The following ASTN2 variants were observed in gnomAD, a reference collection of about 807,000 sequenced individuals.
ASTN2 encodes the protein astrotactin-2.
ASTN2 carries 54 observed loss-of-function variants against 139.8 expected under a neutral mutation model. The ratio of observed to expected loss-of-function variants is 0.39; its 90% confidence interval spans 0.31 to 0.48. The LOEUF (loss-of-function observed/expected upper bound fraction) is 0.48. ASTN2 is among the 20% of genes least tolerant of loss of function. ASTN2 has a pLI of 0.95. For synonymous variants in ASTN2, 756 were observed against 719.5 expected, an observed-to-expected ratio of 1.05 and a Z score of -0.81; for missense variants, 1,565 against 1,725.1, an observed-to-expected ratio of 0.91 and a Z score of 1.64.
intron 19 of ASTN2, among the ~76,000 whole-genome samples, chr9:116,580,644 A>G (rs1394151214): frequency 1.3e-5 from 2 of 152,172 alleles, no homozygotes; most frequent in Non-Finnish European, 2.9e-5. Context: ...TTTCACATGA[A>G]AACCATAAAA....
At chr9:116,909,822 T>C (rs1281489217) in intron 10 of ASTN2, among the ~76,000 whole-genome samples, 1 of 152,208 alleles carries the variant, frequency 6.6e-6, no homozygotes. Context: ...AGCTATTTTA[T>C]ATGAGAGAAA....
At position 116,955,855 on chromosome 9, in the gene ASTN2, T is replaced by A. The variant is rs1835690831; in HGVS notation, c.1889+19353A>T. On this transcript the variant is annotated intron_variant, in intron 10 of 22. Coordinates refer to ENST00000313400, the MANE Select transcript of ASTN2 (RefSeq NM_001365068.1). ...TACCATGCACTTTCTGTGGATATAA[T>A]GAGCAAGAGAAATAAGCCATCTCTG... Among the ~76,000 whole-genome samples, 3 of 152,220 alleles carry A rather than the reference T, an allele frequency of 2.0e-5. No individual in the cohort carries two copies. The South Asian group carries it at 6.2e-4, about 31-fold the overall frequency.
intron 13 of ASTN2, among the ~76,000 whole-genome samples, chr9:116,760,030 C>T (rs575367197): frequency 1.3e-5 from 2 of 152,294 alleles, no homozygotes; most frequent in East Asian, 3.9e-4. Flanking sequence ...AGACCTGAGG[C>T]TTCCCTGTAA....
intron 10 of ASTN2, among the ~76,000 whole-genome samples, chr9:116,868,380 C>T (rs1833071229): frequency 6.6e-6 from 1 of 152,120 alleles, no homozygotes; most frequent in South Asian, 2.1e-4. Context: ...GACCTCAAGT[C>T]CTGAGTTAAA....
At chr9:117,276,337 C>T (rs1320400204) in intron 2 of ASTN2, among the ~76,000 whole-genome samples, 1 of 152,170 alleles carries the variant, frequency 6.6e-6, no homozygotes. Context: ...CTCTCCTCTC[C>T]CATACTAGGC....
At chr9:116,942,032 G>T (rs1835249476) in intron 10 of ASTN2, among the ~76,000 whole-genome samples, 1 of 147,138 alleles carries the variant, frequency 6.8e-6, no homozygotes, top group Non-Finnish European at 1.5e-5. Flanking sequence ...AAAGTCTATA[G>T]AAATTTAAGA....
At chr9:117,130,858 C>A (rs547218057) in intron 4 of ASTN2, among the ~76,000 whole-genome samples, 6 of 152,272 alleles carry the variant, frequency 3.9e-5, no homozygotes, top group African/African-American at 1.4e-4. Context: ...AAAGCCCTAC[C>A]TATTCAGCCA....
chr9:116,776,825 T>G (rs894858938), intron 13 of ASTN2, among the ~76,000 whole-genome samples: 5 of 152,074 alleles, frequency 3.3e-5, no homozygotes, highest in Admixed American at 2.0e-4. Flanking sequence ...AGTAAAATAA[T>G]TGGACGAATG....
At chr9:117,346,741 C>T (rs75796282) in intron 1 of ASTN2, among the ~76,000 whole-genome samples, 2,941 of 152,206 alleles carry the variant, frequency 0.019, 91 homozygotes, top group African/African-American at 0.065. Flanking sequence ...CCTCTATTCC[C>T]TCAAGGTGAT....
chr9:116,819,829 A>G (rs1276817647), intron 12 of ASTN2, among the ~76,000 whole-genome samples: 4 of 152,234 alleles, frequency 2.6e-5, no homozygotes, highest in Non-Finnish European at 5.9e-5. Flanking sequence ...TGCTATATGC[A>G]AGGTGCTGTC....
chr9:117,326,235 G>A (rs969382138), intron 1 of ASTN2, among the ~76,000 whole-genome samples: 1 of 152,014 alleles, frequency 6.6e-6, no homozygotes, highest in African/African-American at 2.4e-5. Context: ...TGTGGACTGT[G>A]GGCAGCCAGT....
intron 10 of ASTN2, among the ~76,000 whole-genome samples, chr9:116,972,242 A>G (rs915673079): frequency 6.6e-6 from 1 of 152,000 alleles, no homozygotes; most frequent in Admixed American, 6.6e-5. Context: ...ATATGATATT[A>G]TTTTGTGTCT....
Position 116,765,399 on chromosome 9 carries a change from C to T in ASTN2, c.2397-31876G>A, listed in dbSNP as rs72765741. Among the ~76,000 whole-genome samples the T allele has an allele frequency of 6.3e-3, 965 of 152,300 alleles. 7 individuals carry two copies. The highest frequency in any genetic ancestry group is 9.3e-3 in the Admixed American group (143 of 15,296). On this transcript the variant is annotated intron_variant, in intron 13 of 22. Coordinates refer to ENST00000313400, the MANE Select transcript of ASTN2 (RefSeq NM_001365068.1). Reference sequence around the variant, plus strand: ...CTAGCTCAGTACTTTCCTTAAGCCACCGCATTAGGGACTTGAAGTGTAAAC... The same window carrying T: ...CTAGCTCAGTACTTTCCTTAAGCCATCGCATTAGGGACTTGAAGTGTAAAC...
chr9:116,526,457 C>G (rs887064833), intron 19 of ASTN2, among the ~76,000 whole-genome samples: 1 of 151,714 alleles, frequency 6.6e-6, no homozygotes, highest in Non-Finnish European at 1.5e-5. Flanking sequence ...ACTAAAAATA[C>G]AAGAACAACA....
chr9:116,965,615 A>G (rs1006121622), intron 10 of ASTN2, among the ~76,000 whole-genome samples: 2 of 152,152 alleles, frequency 1.3e-5, no homozygotes, highest in African/African-American at 4.8e-5. Flanking sequence ...AATATTATCT[A>G]ACTCCCTCAA....
intron 3 of ASTN2, among the ~76,000 whole-genome samples, chr9:117,149,521 G>A (rs1830279964): frequency 6.6e-6 from 1 of 151,968 alleles, no homozygotes; most frequent in Non-Finnish European, 1.5e-5. Flanking sequence ...GTGTCCTCGG[G>A]CTTTGGACTT....
At chr9:116,438,627 C>A (rs1847732693) in intron 22 of ASTN2, among the ~76,000 whole-genome samples, 1 of 152,308 alleles carries the variant, frequency 6.6e-6, no homozygotes, top group Middle Eastern at 3.4e-3. Flanking sequence ...CTTTCATTCT[C>A]TTCCCCTCTT....
intron 1 of ASTN2, among the ~76,000 whole-genome samples, chr9:117,298,670 G>GTACA (rs1554717044): frequency 7.3e-6 from 1 of 136,466 alleles, no homozygotes; most frequent in Non-Finnish European, 1.5e-5. Context: ...ATATATATGT[G>GTACA]TATATATATA....
intron 10 of ASTN2, among the ~76,000 whole-genome samples, chr9:116,947,490 A>T (rs1199420058): frequency 2.6e-5 from 4 of 152,158 alleles, no homozygotes. Flanking sequence ...CATATCCCAG[A>T]TCTGTATACT....
Sources: gnomAD v4.1 joint callset for allele counts (sites outside exome capture counted in the v4.1 genomes callset) on GRCh38, gnomAD v4.1.1 for gene constraint, MANE v1.5 for transcripts, NCBI Gene and HGNC (gene_info 2026-07-23, HGNC 2026-07-21) for gene names.